The following ABCG2 variants were observed in gnomAD, a reference collection of about 807,000 sequenced individuals.
ABCG2 encodes the protein broad substrate specificity ATP-binding cassette transporter ABCG2.
ABCG2 carries 80 observed loss-of-function variants against 73.5 expected under a neutral mutation model. The observed-to-expected ratio is 1.09, with a 90% CI of 0.91 to 1.31. ABCG2 has a LOEUF of 1.31. Ranked by LOEUF, ABCG2 falls within the 50% of genes most tolerant of loss-of-function variation. The pLI, the probability that ABCG2 is intolerant of heterozygous loss-of-function variation, is 0.00. For synonymous variants in ABCG2, 269 were observed against 282.4 expected (o/e 0.95, Z 0.48); for missense variants, 796 against 786.2 (o/e 1.01, Z -0.15).
At chr4:88,203,616 T>C (rs933219005) in intron 1 of ABCG2, among the ~76,000 whole-genome samples, 4 of 151,652 alleles carry the variant, frequency 2.6e-5, no homozygotes, top group African/African-American at 9.7e-5. Flanking sequence ...TAGCTGGGCG[T>C]GGTGGTGGGC....
At chr4:88,133,854 C>T (rs563931512) in intron 2 of ABCG2, among the ~76,000 whole-genome samples, 76 of 152,180 alleles carry the variant, frequency 5.0e-4, no homozygotes, top group Non-Finnish European at 9.9e-4. Context: ...AAAAATTAGC[C>T]AGACACGGTG....
At chr4:88,129,848 T>C (rs1355275725) in intron 5 of ABCG2, among the ~76,000 whole-genome samples, 1 of 152,190 alleles carries the variant, frequency 6.6e-6, no homozygotes, top group Non-Finnish European at 1.5e-5. Flanking sequence ...TAAAGTTCAT[T>C]CATTCATGTC....
At position 88,158,550 on chromosome 4, in the gene ABCG2, T is replaced by C. The variant is rs754682253; in HGVS notation, c.-184A>G. 4 of 456,414 alleles carry C rather than the reference T, an allele frequency of 8.8e-6. No homozygotes were observed. The highest frequency in any genetic ancestry group is 4.6e-5 in the South Asian group (3 of 64,566). 28.3% of individuals were successfully genotyped at this position (456,414 alleles called of 1,614,324 possible). A position where few individuals can be genotyped will look rare whatever the true frequency, so the allele number is the denominator to read the frequency against. On this transcript the variant is annotated 5_prime_UTR_variant, in exon 1 of 16. It removes an upstream start codon present in the reference 5' UTR. Coordinates refer to ENST00000237612, the MANE Select transcript of ABCG2 (RefSeq NM_004827.3). ...TTCCACTTAACAAGACCACCAAGCATGTGCACGGTGCGTTCCTAAATCCTA... is the reference window on the plus strand; with the variant it reads ...TTCCACTTAACAAGACCACCAAGCACGTGCACGGTGCGTTCCTAAATCCTA...
intron 2 of ABCG2, among the ~76,000 whole-genome samples, chr4:88,135,413 A>C (rs17788087): frequency 0.013 from 2,052 of 152,152 alleles, 19 homozygotes; most frequent in Non-Finnish European, 0.022. Context: ...TTTACCCCAA[A>C]ATTTCCTGTC....
At chr4:88,186,387 A>G (rs72659682) in intron 1 of ABCG2, among the ~76,000 whole-genome samples, 15,051 of 152,246 alleles carry the variant, frequency 0.099, 911 homozygotes, top group East Asian at 0.24. Flanking sequence ...TGTAACTCCC[A>G]ACACTTTGGG....
At chr4:88,224,278 A>G (rs1221520243) in intron 1 of ABCG2, among the ~76,000 whole-genome samples, 1 of 152,098 alleles carries the variant, frequency 6.6e-6, no homozygotes, top group African/African-American at 2.4e-5. Context: ...TCTACTAAAA[A>G]ATACAAAAAA....
At chr4:88,135,488 A>G (rs1322734480) in intron 2 of ABCG2, among the ~76,000 whole-genome samples, 2 of 152,104 alleles carry the variant, frequency 1.3e-5, no homozygotes, top group African/African-American at 4.8e-5. Flanking sequence ...TGGACAAGAG[A>G]GGTCAATGCT....
chr4:88,100,072 T>C (rs764271816), intron 11 of ABCG2, among the ~76,000 whole-genome samples: 6 of 152,082 alleles, frequency 3.9e-5, no homozygotes, highest in African/African-American at 7.2e-5. Context: ...TCCACTTCCT[T>C]CATTATTTCC....
At chr4:88,134,131 T>G (rs932350350) in intron 2 of ABCG2, among the ~76,000 whole-genome samples, 1 of 152,082 alleles carries the variant, frequency 6.6e-6, no homozygotes. Flanking sequence ...ACAGAGAAAG[T>G]AATATCTATT....
intron 1 of ABCG2, among the ~76,000 whole-genome samples, chr4:88,153,054 T>A (rs569835596): frequency 1.8e-4 from 28 of 152,220 alleles, no homozygotes; most frequent in Non-Finnish European, 1.5e-5. Flanking sequence ...GGACTAAGAA[T>A]TGGGAGGACC....
At chr4:88,113,278 T>G (rs1723265071) in intron 9 of ABCG2, 25 bp downstream of exon 9, 1 of 1,607,730 alleles carries the variant, frequency 6.2e-7, no homozygotes, top group Non-Finnish European at 8.5e-7. Flanking sequence ...CCCATTTGAG[T>G]ATTTCAAAAG....
At chr4:88,212,474 T>G (rs1270594405) in intron 1 of ABCG2, among the ~76,000 whole-genome samples, 2 of 152,184 alleles carry the variant, frequency 1.3e-5, no homozygotes, top group Admixed American at 1.3e-4. Context: ...TCTGACTACC[T>G]TGAACTTCTC....
chr4:88,230,291 T>TCATATATATATATATATC (rs779334338), intron 1 of ABCG2, among the ~76,000 whole-genome samples: 1 of 57,908 alleles, frequency 1.7e-5, no homozygotes, highest in Admixed American at 1.9e-4. Flanking sequence ...ACCGCACCTG[T>TCATATATATATATATATC]TATATATATA....
chr4:88,166,978 G>C (rs1257000371), intron 1 of ABCG2, among the ~76,000 whole-genome samples: 3 of 152,060 alleles, frequency 2.0e-5, no homozygotes, highest in Admixed American at 1.3e-4. Flanking sequence ...GAAATGGAAG[G>C]GAAGTGTATT....
chr4:88,112,271 TA>T (rs1470072170), intron 9 of ABCG2, among the ~76,000 whole-genome samples: 3 of 152,202 alleles, frequency 2.0e-5, no homozygotes, highest in African/African-American at 7.2e-5. Context: ...GTTTCACCTG[TA>T]AACTGTCTAA....
chr4:88,102,209 G>A (rs534822424), intron 10 of ABCG2, among the ~76,000 whole-genome samples: 9 of 152,326 alleles, frequency 5.9e-5, no homozygotes, highest in Admixed American at 1.3e-4. Flanking sequence ...AGGAAACCAA[G>A]TGACACTTAC....
intron 1 of ABCG2, among the ~76,000 whole-genome samples, chr4:88,228,886 T>TA (rs35484000): frequency 0.87 from 128,680 of 147,594 alleles, 54,900 homozygotes; most frequent in East Asian, 1. Flanking sequence ...CAGCACTCTG[T>TA]AAAATGCACC....
At position 88,092,382 on chromosome 4, in the gene ABCG2, C is replaced by T. The variant is rs1353780966; in HGVS notation, c.1821-1G>A. 1 of 1,605,978 alleles carries T rather than the reference C, an allele frequency of 6.2e-7. No homozygotes were observed. Among genetic ancestry groups the T allele is most frequent in the East Asian group, 2.2e-5 (1 of 44,812 alleles). On this transcript the variant is annotated splice_acceptor_variant, in intron 15 of 15. Transcript: ENST00000237612. LOFTEE classifies it high-confidence loss of function. ...TACCAAATATTCTTCGCCAGTACATCTGAAATTAAACAGAAAAAGAATATA... is the reference window on the plus strand; with the variant it reads ...TACCAAATATTCTTCGCCAGTACATTTGAAATTAAACAGAAAAAGAATATA...
chr4:88,155,103 A>T (rs1222904613), intron 1 of ABCG2, among the ~76,000 whole-genome samples: 2 of 152,128 alleles, frequency 1.3e-5, no homozygotes, highest in African/African-American at 4.8e-5. Flanking sequence ...AGCTGTCTTG[A>T]AGGAATGGAA....
Sources: allele counts gnomAD v4.1 joint callset (sites outside exome capture counted in the v4.1 genomes callset), GRCh38; gene constraint gnomAD v4.1.1; transcripts MANE v1.5; gene names NCBI Gene and HGNC (gene_info 2026-07-23, HGNC 2026-07-21).